Variants in TMEM108 observed in about 807,000 individuals in gnomAD.
TMEM108 encodes the protein cancer/testis antigen 124.
A neutral mutation model predicts 35.1 loss-of-function variants in TMEM108; 12 were observed. The observed-to-expected ratio is 0.34, with a 90% CI of 0.22 to 0.55. The LOEUF (loss-of-function observed/expected upper bound fraction) is 0.55. Ranked by LOEUF, TMEM108 falls within the 20% of genes least tolerant of loss-of-function variation. The pLI is 0.89. For missense variants in TMEM108, 680 were observed against 753.3 expected (o/e 0.90, Z 1.14); for synonymous variants, 287 against 308.6 (o/e 0.93, Z 0.73).
intron 3 of TMEM108, among the ~76,000 whole-genome samples, chr3:133,289,671 A>G (rs1377353757): frequency 6.6e-6 from 1 of 152,188 alleles, no homozygotes; most frequent in Admixed American, 6.5e-5. Flanking sequence ...TTAGGTATAC[A>G]TATCCCATTA....
At chr3:133,302,597 T>G (rs1282582318) in intron 3 of TMEM108, among the ~76,000 whole-genome samples, 1 of 151,812 alleles carries the variant, frequency 6.6e-6, no homozygotes, top group African/African-American at 2.4e-5. Context: ...AATTTTTGTA[T>G]TTTTAGTAGG....
intron 2 of TMEM108, among the ~76,000 whole-genome samples, chr3:133,207,920 C>T: frequency 6.6e-6 from 1 of 152,160 alleles, no homozygotes; most frequent in South Asian, 2.1e-4. Context: ...TAAACATTTC[C>T]CCCACTGGTG....
chr3:133,352,760 A>G (rs1304261615), intron 3 of TMEM108, among the ~76,000 whole-genome samples: 2 of 152,152 alleles, frequency 1.3e-5, no homozygotes, highest in African/African-American at 4.8e-5. Flanking sequence ...CCACCCTCCT[A>G]GCACTGTTAT....
intron 3 of TMEM108, among the ~76,000 whole-genome samples, chr3:133,356,770 T>TAGAAGAATGAAACTGAATCCCTATCC: frequency 6.6e-6 from 1 of 152,128 alleles, no homozygotes; most frequent in Non-Finnish European, 1.5e-5. Flanking sequence ...AAGTCATATG[T>TAGAAGAATGAAACTGAATCCCTATCC]AGAAGAATGA....
intron 2 of TMEM108, among the ~76,000 whole-genome samples, chr3:133,083,849 T>C (rs1943846283): frequency 6.6e-6 from 1 of 151,378 alleles, no homozygotes; most frequent in Non-Finnish European, 1.5e-5. Flanking sequence ...CCCTTTCTCC[T>C]CCATAGGGGC....
At chr3:133,258,244 G>A (rs1207543424) in intron 3 of TMEM108, among the ~76,000 whole-genome samples, 3 of 152,244 alleles carry the variant, frequency 2.0e-5, no homozygotes, top group Non-Finnish European at 4.4e-5. Context: ...GCCCTCACCA[G>A]AAACTGAGTC....
At chr3:133,350,881 A>C (rs1463733812) in intron 3 of TMEM108, among the ~76,000 whole-genome samples, 1 of 152,126 alleles carries the variant, frequency 6.6e-6, no homozygotes, top group Non-Finnish European at 1.5e-5. Flanking sequence ...GCTTGCTGGC[A>C]AAGTATCAGT....
intron 3 of TMEM108, among the ~76,000 whole-genome samples, chr3:133,231,191 TTATTTTATATAACTCATA>T (rs1232181474): frequency 6.6e-6 from 1 of 152,178 alleles, no homozygotes; most frequent in African/African-American, 2.4e-5. Context: ...ACACAATATG[TTATTTTATATAACTCATA>T]TATTTTATAT....
In TMEM108 at chr3:133,278,187, G is replaced by A. The variant is rs547498177; in HGVS notation, c.40+48836G>A. ...TCAGACAAATGACCTCACAAGACAT[G>A]GGAAGTAAAAGTAAAGAGAAAAAAA... On this transcript the variant is annotated intron_variant, in intron 3 of 5. Transcript: ENST00000321871. Among the ~76,000 whole-genome samples the A allele has an allele frequency of 2.0e-5, 3 of 152,294 alleles. No individual in the cohort carries two copies. In the East Asian group the frequency reaches 5.8e-4, roughly 29 times the overall value.
At position 133,165,322 on chromosome 3, in the gene TMEM108, G is replaced by C. The variant is rs537370063; in HGVS notation, c.-46-63944G>C. 3.2e-4 allele frequency among the ~76,000 whole-genome samples: 49 copies of C among 152,292 alleles called. No individual in the cohort carries two copies. In the South Asian group the frequency reaches 6.8e-3, roughly 21 times the overall value. Reference sequence around the variant, plus strand: ...AAGGCAGCTCTTGAGATCCTCCTGAGGGACTAAATACCAAAGGGAGATTAG... The same window carrying C: ...AAGGCAGCTCTTGAGATCCTCCTGACGGACTAAATACCAAAGGGAGATTAG... On this transcript the variant is annotated intron_variant, in intron 2 of 5. Transcript: ENST00000321871.
chr3:133,228,940 A>C (rs1189841979), intron 2 of TMEM108, among the ~76,000 whole-genome samples: 1 of 152,152 alleles, frequency 6.6e-6, no homozygotes, highest in Non-Finnish European at 1.5e-5. Context: ...TGAGATGAGA[A>C]AATAAATTTT....
chr3:133,244,322 C>T (rs1165430991), intron 3 of TMEM108, among the ~76,000 whole-genome samples: 1 of 152,220 alleles, frequency 6.6e-6, no homozygotes. Context: ...CATCTCGCTT[C>T]CATTGCTAGG....
At chr3:133,063,486 G>A (rs1943559003) in intron 2 of TMEM108, among the ~76,000 whole-genome samples, 1 of 152,158 alleles carries the variant, frequency 6.6e-6, no homozygotes, top group Non-Finnish European at 1.5e-5. Context: ...GAGGTGGAGT[G>A]AGCAGTGGGA....
intron 2 of TMEM108, among the ~76,000 whole-genome samples, chr3:133,177,031 T>C (rs1391594752): frequency 1.3e-5 from 2 of 152,124 alleles, no homozygotes; most frequent in Non-Finnish European, 2.9e-5. Flanking sequence ...GAGAATACTA[T>C]AAACACCTCT....
chr3:133,123,564 T>C (rs73211519), intron 2 of TMEM108, among the ~76,000 whole-genome samples: 24,275 of 152,260 alleles, frequency 0.16, 2,463 homozygotes, highest in Non-Finnish European at 0.23. Flanking sequence ...TGACATTCTG[T>C]TGCTGCTGTA....
chr3:133,124,016 G>A lies in TMEM108; in HGVS notation c.-47+77996G>A, dbSNP rs534714680. On this transcript the variant is annotated intron_variant, in intron 2 of 5. Coordinates refer to ENST00000321871, the MANE Select transcript of TMEM108 (RefSeq NM_023943.4). ...TCTGAAAGGGCACCAGGCAAGCATGGAATCCTATCAGCAGAGCAAGCCAAG... is the reference window on the plus strand; with the variant it reads ...TCTGAAAGGGCACCAGGCAAGCATGAAATCCTATCAGCAGAGCAAGCCAAG... 8.2e-4 allele frequency among the ~76,000 whole-genome samples: 125 copies of A among 152,278 alleles called. 1 individual carries two copies. Among genetic ancestry groups the A allele is most frequent in the African/African-American group, 2.9e-3 (120 of 41,562 alleles).
chr3:133,218,866 C>T lies in TMEM108; in HGVS notation c.-46-10400C>T, dbSNP rs1168784867. Among the ~76,000 whole-genome samples the T allele has an allele frequency of 4.6e-5, 7 of 152,040 alleles. No individual in the cohort carries two copies. The East Asian group carries it at 1.3e-3, about 29-fold the overall frequency. On this transcript the variant is annotated intron_variant, in intron 2 of 5. Transcript: ENST00000321871. Reference sequence around the variant, plus strand: ...CTTTTCCTGTAGTATCCCTGTCTGGCTTGGGTATCAGGGTAAGGCTAGCCT... The same window carrying T: ...CTTTTCCTGTAGTATCCCTGTCTGGTTTGGGTATCAGGGTAAGGCTAGCCT...
intron 3 of TMEM108, among the ~76,000 whole-genome samples, chr3:133,254,697 G>T (rs1184751865): frequency 6.6e-6 from 1 of 152,184 alleles, no homozygotes; most frequent in East Asian, 1.9e-4. Context: ...TGAACTACTT[G>T]ATATTCTCAT....
chr3:133,377,234 A>C (rs1263608354), intron 3 of TMEM108, among the ~76,000 whole-genome samples: 1 of 152,178 alleles, frequency 6.6e-6, no homozygotes, highest in Non-Finnish European at 1.5e-5. Context: ...GGGGGTGCAT[A>C]AGTCAGTCCT....
Sources: gnomAD v4.1 joint callset for allele counts (sites outside exome capture counted in the v4.1 genomes callset) on GRCh38, gnomAD v4.1.1 for gene constraint, MANE v1.5 for transcripts, NCBI Gene and HGNC (gene_info 2026-07-23, HGNC 2026-07-21) for gene names.